The following LRP1B variants were observed in gnomAD, a reference collection of about 807,000 sequenced individuals.
LRP1B encodes low-density lipoprotein receptor-related protein 1B.
A neutral mutation model predicts 556.6 loss-of-function variants in LRP1B; 217 were observed. That is an observed-to-expected ratio of 0.39 (90% CI 0.35 to 0.44). The LOEUF (loss-of-function observed/expected upper bound fraction) is 0.44, where lower values mean the gene tolerates loss of function less well. Among genes scored for constraint, LRP1B ranks in the 20% least tolerant of loss-of-function variants. LRP1B has a pLI of 1.00. For synonymous variants in LRP1B, 2,047 were observed against 1,865.8 expected (o/e 1.10, Z -2.50); for missense variants, 5,053 against 5,620.8 (o/e 0.90, Z 3.23).
At chr2:141,872,387 G>A (rs1026042059) in intron 1 of LRP1B, among the ~76,000 whole-genome samples, 1 of 151,802 alleles carries the variant, frequency 6.6e-6, no homozygotes, top group Non-Finnish European at 1.5e-5. Flanking sequence ...GTTCCCAAAG[G>A]AGGACAGATT....
chr2:140,318,105 T>C (rs1414346157), intron 82 of LRP1B, among the ~76,000 whole-genome samples: 2 of 152,028 alleles, frequency 1.3e-5, no homozygotes, highest in African/African-American at 4.8e-5. Flanking sequence ...CAGTTAACAA[T>C]AGCAGCCAGA....
At chr2:141,999,975 T>C (rs1218435470) in intron 1 of LRP1B, among the ~76,000 whole-genome samples, 1 of 149,812 alleles carries the variant, frequency 6.7e-6, no homozygotes, top group African/African-American at 2.4e-5. Flanking sequence ...TATATGCATA[T>C]ATTTATACTA....
At chr2:140,988,597 T>C (rs1249991848) in intron 17 of LRP1B, among the ~76,000 whole-genome samples, 1 of 152,116 alleles carries the variant, frequency 6.6e-6, no homozygotes, top group African/African-American at 2.4e-5. Context: ...CAGAGAGGTA[T>C]GTCTTTCCAA....
At chr2:141,648,012 T>A (rs1206655742) in intron 2 of LRP1B, among the ~76,000 whole-genome samples, 5 of 152,128 alleles carry the variant, frequency 3.3e-5, no homozygotes, top group Non-Finnish European at 7.4e-5. Flanking sequence ...ATGTGGGGAA[T>A]TCTGGCAGAG....
chr2:140,335,069 G>T lies in LRP1B; in HGVS notation c.12117-510C>A, dbSNP rs1681005432. Among the ~76,000 whole-genome samples, 4 of 151,864 alleles carry T rather than the reference G, an allele frequency of 2.6e-5. No homozygotes were observed. In the South Asian group the frequency reaches 8.3e-4, roughly 31 times the overall value. On this transcript the variant is annotated intron_variant, in intron 78 of 90. Transcript: ENST00000389484. ...AGGAGTTATCAATCCACTTATAGAT[G>T]ATTAAGATTTTTAGTTAACATTTTT...
At chr2:141,884,958 T>G (rs1699064389) in intron 1 of LRP1B, among the ~76,000 whole-genome samples, 1 of 152,166 alleles carries the variant, frequency 6.6e-6, no homozygotes, top group Non-Finnish European at 1.5e-5. Context: ...GAGGAGGCAG[T>G]TGATGTATTT....
intron 51 of LRP1B, among the ~76,000 whole-genome samples, chr2:140,511,357 G>A (rs1267830313): frequency 4.3e-5 from 6 of 138,554 alleles, no homozygotes; most frequent in South Asian, 4.5e-4. Context: ...GCTGGAGTGC[G>A]GTGGCGCGGT....
intron 86 of LRP1B, among the ~76,000 whole-genome samples, chr2:140,250,589 A>G (rs1427405359): frequency 6.6e-6 from 1 of 151,584 alleles, no homozygotes; most frequent in Non-Finnish European, 1.5e-5. Context: ...CATTTCCATA[A>G]CAGTTGTATG....
In LRP1B at chr2:141,180,260, C is replaced by T. The variant is rs149530324; in HGVS notation, c.1013+8161G>A. Among the ~76,000 whole-genome samples the T allele has an allele frequency of 1.7e-3, 252 of 151,514 alleles. 2 individuals carry two copies. In the East Asian group the frequency reaches 0.018, roughly 11 times the overall value. On this transcript the variant is annotated intron_variant, in intron 7 of 90. Coordinates refer to ENST00000389484, the MANE Select transcript of LRP1B (RefSeq NM_018557.3). ...TTTACCCTTGATGCCCTGATCACAA[C>T]CTGAGTGATACAAGAATGTTGTCCA...
At chr2:141,386,305 T>C (rs1224078127) in intron 3 of LRP1B, among the ~76,000 whole-genome samples, 1 of 152,108 alleles carries the variant, frequency 6.6e-6, no homozygotes, top group Admixed American at 6.6e-5. Context: ...ATAAGGAATA[T>C]TCAATCTGTA....
chr2:141,111,502 T>G (rs1414010401), intron 7 of LRP1B, among the ~76,000 whole-genome samples: 2 of 152,074 alleles, frequency 1.3e-5, no homozygotes, highest in Non-Finnish European at 2.9e-5. Flanking sequence ...CCAGAGAACC[T>G]CCCTCCTGTG....
chr2:140,850,854 A>G (rs1692436828), intron 28 of LRP1B, among the ~76,000 whole-genome samples: 2 of 152,168 alleles, frequency 1.3e-5, no homozygotes, highest in Non-Finnish European at 2.9e-5. Flanking sequence ...AGTAACTAAC[A>G]TTGTGAGGCG....
intron 89 of LRP1B, among the ~76,000 whole-genome samples, chr2:140,235,529 G>T (rs1680656072): frequency 6.6e-6 from 1 of 150,936 alleles, no homozygotes; most frequent in South Asian, 2.1e-4. Context: ...TTTTTCTGTA[G>T]TTACTCATTT....
At chr2:142,104,507 G>C (rs2104975595) in intron 1 of LRP1B, among the ~76,000 whole-genome samples, 1 of 152,184 alleles carries the variant, frequency 6.6e-6, no homozygotes, top group South Asian at 2.1e-4. Context: ...TTTAAAGCTG[G>C]CCATTTTCCA....
At chr2:141,106,253 T>C (rs1700599518) in intron 7 of LRP1B, among the ~76,000 whole-genome samples, 1 of 152,236 alleles carries the variant, frequency 6.6e-6, no homozygotes, top group South Asian at 2.1e-4. Flanking sequence ...TTCTAAATAG[T>C]TTAGGGAATA....
At chr2:140,899,210 G>T (rs558047581) in intron 23 of LRP1B, 1 of 160,446 alleles carries the variant, frequency 6.2e-6, no homozygotes, top group African/African-American at 2.4e-5. Context: ...AAGGGTATCT[G>T]CAATGAGAAG....
chr2:140,792,985 A>G (rs1292182393), intron 32 of LRP1B, among the ~76,000 whole-genome samples: 1 of 152,054 alleles, frequency 6.6e-6, no homozygotes, highest in Non-Finnish European at 1.5e-5. Context: ...TTATTTAAAT[A>G]AAATATCTAT....
chr2:140,313,709 C>T (rs1436104463), intron 83 of LRP1B, among the ~76,000 whole-genome samples: 7 of 151,842 alleles, frequency 4.6e-5, no homozygotes, highest in Non-Finnish European at 8.8e-5. Flanking sequence ...AATACACACA[C>T]GTATTCCTTG....
In LRP1B at chr2:141,652,176, C is replaced by A. The variant is rs80110540; in HGVS notation, c.205+158103G>T. Among the ~76,000 whole-genome samples the A allele has an allele frequency of 5.0e-4, 76 of 152,274 alleles. 1 individual carries two copies. The East Asian group carries it at 0.015, about 29-fold the overall frequency. On this transcript the variant is annotated intron_variant, in intron 2 of 90. Transcript: ENST00000389484. Reference sequence around the variant, plus strand: ...TATAGTGACATTATAAAGCTTTTGACTACTCCCTCCTTGGGGAATTTTCTT... The same window carrying A: ...TATAGTGACATTATAAAGCTTTTGAATACTCCCTCCTTGGGGAATTTTCTT...
Sources: gnomAD v4.1 joint callset for allele counts (sites outside exome capture counted in the v4.1 genomes callset) on GRCh38, gnomAD v4.1.1 for gene constraint, MANE v1.5 for transcripts, NCBI Gene and HGNC (gene_info 2026-07-23, HGNC 2026-07-21) for gene names.